The following SEC23IP variants were observed in gnomAD, a reference collection of about 807,000 sequenced individuals.
The protein encoded by SEC23IP is SEC23-interacting protein.
A neutral mutation model predicts 113.4 loss-of-function variants in SEC23IP; 70 were observed. That is an observed-to-expected ratio of 0.62 (90% CI 0.51 to 0.75). The LOEUF (loss-of-function observed/expected upper bound fraction) is 0.75. Ranked by LOEUF, SEC23IP falls within the 30% of genes least tolerant of loss-of-function variation. The probability of loss-of-function intolerance (pLI) is 0.00; values close to 1 mark genes in which losing one functional copy is unlikely to be tolerated. For synonymous variants in SEC23IP, 398 were observed against 421.0 expected, an observed-to-expected ratio of 0.95 and a Z score of 0.67; for missense variants, 1,160 against 1,204.9, an observed-to-expected ratio of 0.96 and a Z score of 0.55.
chr10:119,909,064 C>G lies in SEC23IP; in HGVS notation c.1125C>G (p.Thr375=). The change falls in exon 5 of 19, where the codon ACC becomes ACG. Residue 375 remains threonine (T), a synonymous_variant. Transcript: ENST00000369075. The stretch of plus-strand genomic sequence containing the variant: ...AGGCTGAATATAAAAAAGCTGTAAC[C>G]ACTAATCAGTGGCACCGAAGATTAG... ...KLEAEYKKAV[T]TNQWHRRLEF... 6.2e-7 allele frequency: 1 copy of G among 1,612,116 alleles called. No individual in the cohort carries two copies. Among genetic ancestry groups the G allele is most frequent in the Non-Finnish European group, 8.5e-7 (1 of 1,178,930 alleles).
intron 2 of SEC23IP, among the ~76,000 whole-genome samples, chr10:119,899,424 G>T (rs1403582226): frequency 6.6e-6 from 1 of 152,144 alleles, no homozygotes; most frequent in Non-Finnish European, 1.5e-5. Context: ...AGAGTTGGTG[G>T]AATAACGTAT....
chr10:119,892,841 C>T lies in SEC23IP; in HGVS notation c.59C>T (p.Thr20Ile). 6.2e-7 allele frequency: 1 copy of T among 1,614,034 alleles called. No homozygotes were observed. The highest frequency in any genetic ancestry group is 8.5e-7 in the Non-Finnish European group (1 of 1,179,980). ...GGCGCCTCCACTTCCTCATCGGGCA[C>T]TAACTTACTTTTCTCCTCCTCGGCC... ...SGGASTSSSG[T>I]NLLFSSSATE... is the part of the protein sequence containing the mutation. Residue 20 changes from threonine to isoleucine, a missense_variant, in exon 1 of 19, where the codon ACT (threonine) becomes ATT (isoleucine). Physicochemically the swap from Thr to Ile is moderately conservative, Grantham distance 89. Transcript: ENST00000369075.
chr10:119,931,877 ACTT>A (rs1444006374), intron 15 of SEC23IP, among the ~76,000 whole-genome samples: 5 of 151,642 alleles, frequency 3.3e-5, no homozygotes, highest in African/African-American at 1.2e-4. Flanking sequence ...TGGTATTTGA[ACTT>A]CTTTTATTTG....
At position 119,919,743 on chromosome 10, in the gene SEC23IP, T is replaced by C. The variant is rs1387821700; in HGVS notation, c.2025+147T>C. 4 of 693,640 alleles carry C rather than the reference T, an allele frequency of 5.8e-6. No homozygotes were observed. In the Admixed American group the frequency reaches 1.5e-4, roughly 26 times the overall value. 43.0% of individuals were successfully genotyped at this position (693,640 alleles called of 1,614,324 possible). A position where few individuals can be genotyped will look rare whatever the true frequency, so the allele number is the denominator to read the frequency against. On this transcript the variant is annotated intron_variant, in intron 11 of 18. Transcript: ENST00000369075. ...AAAAATTGAAAAACACAGAAGAATA[T>C]TTTTTTATAATCTGAAAGGCTTTTC...
intron 18 of SEC23IP, among the ~76,000 whole-genome samples, chr10:119,939,535 C>T (rs947707733): frequency 6.6e-6 from 1 of 151,708 alleles, no homozygotes; most frequent in Non-Finnish European, 1.5e-5. Flanking sequence ...ATTAGCCGGG[C>T]GTGGTAGCAC....
intron 4 of SEC23IP, 68 bp downstream of exon 4, chr10:119,904,345 C>T (rs762358910): frequency 1.5e-6 from 2 of 1,335,522 alleles, no homozygotes; most frequent in East Asian, 2.3e-5. Context: ...TGGTGAGTAA[C>T]ATCATTCACA....
At chr10:119,921,535 G>A (rs1467436682) in intron 12 of SEC23IP, among the ~76,000 whole-genome samples, 1 of 152,110 alleles carries the variant, frequency 6.6e-6, no homozygotes, top group African/African-American at 2.4e-5. Context: ...ATGAAATAAT[G>A]CATGCAAAGC....
In SEC23IP at chr10:119,904,097, G is replaced by A. The variant is rs772942317; in HGVS notation, c.921G>A (p.Pro307=). Residue 307 remains proline, a synonymous_variant, in exon 4 of 19, where the codon CCG becomes CCA. Coordinates refer to ENST00000369075, the MANE Select transcript of SEC23IP (RefSeq NM_007190.4). ...EEIYNSVQPD[P]ESVVLGTDGG... ...TTTGTTCTCTAGTTCAGCCAGATCC[G>A]GAGAGCGTGGTTCTTGGCACGGATG... is the stretch of plus-strand genomic sequence containing the variant. The A allele has an allele frequency of 2.4e-5, 38 of 1,613,978 alleles. No individual in the cohort carries two copies. Among genetic ancestry groups the A allele is most frequent in the South Asian group, 9.9e-5 (9 of 91,076 alleles).
chr10:119,923,694 G>A (rs11199122), intron 12 of SEC23IP, among the ~76,000 whole-genome samples: 4,822 of 152,008 alleles, frequency 0.032, 113 homozygotes, highest in Middle Eastern at 0.072. Context: ...GATTATAGGC[G>A]TCTGCCACCA....
chr10:119,912,686 G>A (rs1854906695), intron 6 of SEC23IP, among the ~76,000 whole-genome samples: 1 of 149,130 alleles, frequency 6.7e-6, no homozygotes, highest in Non-Finnish European at 1.5e-5. Flanking sequence ...TGTTGGCCAG[G>A]CTGGAGTACA....
chr10:119,929,535 G>C, intron 13 of SEC23IP, 72 bp from the exon 14 acceptor site: 2 of 1,414,438 alleles, frequency 1.4e-6, no homozygotes, highest in Non-Finnish European at 2.0e-6. Flanking sequence ...CGCCCGGCCT[G>C]AAAATTCAAA....
intron 12 of SEC23IP, among the ~76,000 whole-genome samples, chr10:119,923,749 A>G (rs1356848962): frequency 6.6e-6 from 1 of 152,124 alleles, no homozygotes; most frequent in Non-Finnish European, 1.5e-5. Flanking sequence ...GGGTTTCACC[A>G]TGTTGGTCAG....
intron 4 of SEC23IP, among the ~76,000 whole-genome samples, chr10:119,906,316 C>G (rs1589827406): frequency 6.9e-6 from 1 of 144,754 alleles, no homozygotes; most frequent in Admixed American, 6.9e-5. Context: ...CGGAGCTAAA[C>G]ATTATGTTCA....
rs752544844 is a variant in SEC23IP at position 119,892,751 on chromosome 10, C to T, written c.-32C>T. ...GGTCAGTGGTGTGGTACCGGGTACCCGGAGACGTGTATCGGACGGTGGGCC... is the reference window on the plus strand; with the variant it reads ...GGTCAGTGGTGTGGTACCGGGTACCTGGAGACGTGTATCGGACGGTGGGCC... On this transcript the variant is annotated 5_prime_UTR_variant, in exon 1 of 19. Coordinates refer to ENST00000369075, the MANE Select transcript of SEC23IP (RefSeq NM_007190.4). The T allele has an allele frequency of 8.2e-6, 13 of 1,580,010 alleles. No individual in the cohort carries two copies. In the Admixed American group the frequency reaches 1.8e-4, roughly 22 times the overall value.
intron 9 of SEC23IP, 70 bp downstream of exon 9, chr10:119,918,114 ATATTGT>A (rs763494360): frequency 1.1e-5 from 13 of 1,223,938 alleles, no homozygotes; most frequent in Non-Finnish European, 1.5e-5. Context: ...AGTGTAGGTG[ATATTGT>A]TAGTGCAAAA....
At chr10:119,924,929 CA>C (rs941250399) in intron 12 of SEC23IP, among the ~76,000 whole-genome samples, 1 of 152,044 alleles carries the variant, frequency 6.6e-6, no homozygotes, top group African/African-American at 2.4e-5. Flanking sequence ...AGGCATGCAC[CA>C]CCATGCCCAG....
At chr10:119,906,996 G>A (rs1194429858) in intron 4 of SEC23IP, among the ~76,000 whole-genome samples, 2 of 151,014 alleles carry the variant, frequency 1.3e-5, no homozygotes, top group African/African-American at 4.9e-5. Context: ...GAAGAGGAGG[G>A]TCAGAAGTAC....
intron 9 of SEC23IP, 22 bp downstream of exon 9, chr10:119,918,066 AT>A: frequency 6.3e-7 from 1 of 1,587,520 alleles, no homozygotes; most frequent in Non-Finnish European, 8.6e-7. Context: ...AAATATTCAC[AT>A]TTTAAATACA....
At chr10:119,922,402 T>C (rs1855277893) in intron 12 of SEC23IP, among the ~76,000 whole-genome samples, 1 of 152,198 alleles carries the variant, frequency 6.6e-6, no homozygotes, top group Admixed American at 6.5e-5. Context: ...CATGTTCTTA[T>C]GGCCATGAAA....
Sources: gnomAD v4.1 joint callset for allele counts (sites outside exome capture counted in the v4.1 genomes callset) on GRCh38, gnomAD v4.1.1 for gene constraint, MANE v1.5 for transcripts, NCBI Gene and HGNC (gene_info 2026-07-23, HGNC 2026-07-21) for gene names.